Variants in CTNNA3 observed in about 807,000 individuals in gnomAD.
The protein encoded by CTNNA3 is catenin alpha 3.
Under a neutral mutation model 95.7 loss-of-function variants are expected in CTNNA3, and 76 were observed. The observed-to-expected ratio is 0.79, with a 90% CI of 0.66 to 0.96. CTNNA3 has a LOEUF of 0.96. CTNNA3 is among the 40% of genes least tolerant of loss of function. The pLI is 0.00. For synonymous variants in CTNNA3, 431 were observed against 374.4 expected, an observed-to-expected ratio of 1.15 and a Z score of -1.74; for missense variants, 1,191 against 1,089.8, an observed-to-expected ratio of 1.09 and a Z score of -1.31.
intron 7 of CTNNA3, among the ~76,000 whole-genome samples, chr10:66,865,241 T>C (rs1318693346): frequency 6.8e-6 from 1 of 148,052 alleles, no homozygotes; most frequent in African/African-American, 2.5e-5. Flanking sequence ...TGTGTGTGTG[T>C]AAATGCAGTT....
chr10:67,034,133 G>C (rs1853900003), intron 7 of CTNNA3, among the ~76,000 whole-genome samples: 1 of 152,126 alleles, frequency 6.6e-6, no homozygotes, highest in African/African-American at 2.4e-5. Flanking sequence ...CCAAACCAGT[G>C]CTTTTAATTA....
At chr10:66,226,721 C>T (rs755320813) in intron 13 of CTNNA3, among the ~76,000 whole-genome samples, 3 of 151,886 alleles carry the variant, frequency 2.0e-5, no homozygotes, top group Admixed American at 2.0e-4. Flanking sequence ...TGTGTCCACT[C>T]TAATGTATTT....
intron 1 of CTNNA3, among the ~76,000 whole-genome samples, chr10:67,712,813 C>T (rs762071115): frequency 6.6e-6 from 1 of 152,118 alleles, no homozygotes; most frequent in Non-Finnish European, 1.5e-5. Flanking sequence ...AAATGTAAAG[C>T]CTAAAACCAT....
At chr10:67,009,991 C>T (rs1366344255) in intron 7 of CTNNA3, among the ~76,000 whole-genome samples, 1 of 152,146 alleles carries the variant, frequency 6.6e-6, no homozygotes, top group African/African-American at 2.4e-5. Context: ...TCTTCAGCTA[C>T]CTGTCCTGGA....
chr10:65,950,165 C>G (rs2077585444), intron 17 of CTNNA3, among the ~76,000 whole-genome samples: 1 of 152,204 alleles, frequency 6.6e-6, no homozygotes, highest in African/African-American at 2.4e-5. Flanking sequence ...GGAACACACA[C>G]ACACACACAC....
rs746378840 is a variant in CTNNA3, at chr10:67,615,657, C to CTT, written c.100-8610_100-8609dup. On this transcript the variant is annotated intron_variant, in intron 2 of 17. Coordinates refer to ENST00000433211, the MANE Select transcript of CTNNA3 (RefSeq NM_013266.4). ...AATGTGTAACACAACGGCAGGTATT[C>CTT]TTTTTTTTTTTTTTTTTTTTTTTGA... Among the ~76,000 whole-genome samples, 3,513 of 102,020 alleles carry CTT rather than the reference C, an allele frequency of 0.034. 390 individuals are homozygous for CTT. In the East Asian group the frequency reaches 0.4, roughly 12 times the overall value. 66.9% of individuals were successfully genotyped at this position (102,020 alleles called of 152,430 possible).
intron 5 of CTNNA3, among the ~76,000 whole-genome samples, chr10:67,483,769 TAAAAATTAAAA>T (rs1281678410): frequency 1.1e-5 from 1 of 91,440 alleles, no homozygotes; most frequent in African/African-American, 6.2e-5. Context: ...AATAAAAAAA[TAAAAATTAAAA>T]AAAAAAACAA....
intron 11 of CTNNA3, among the ~76,000 whole-genome samples, chr10:66,433,877 C>G (rs1464030592): frequency 6.6e-6 from 1 of 152,156 alleles, no homozygotes; most frequent in Admixed American, 6.5e-5. Context: ...CCAGTTTTCC[C>G]AACAGCTTTT....
At chr10:67,411,542 A>G (rs1350856370) in intron 5 of CTNNA3, among the ~76,000 whole-genome samples, 2 of 152,118 alleles carry the variant, frequency 1.3e-5, no homozygotes, top group Non-Finnish European at 2.9e-5. Context: ...CACAACTGAG[A>G]AGAATATTCA....
intron 7 of CTNNA3, among the ~76,000 whole-genome samples, chr10:66,940,009 T>A (rs902258170): frequency 2.6e-4 from 40 of 152,276 alleles, no homozygotes; most frequent in Admixed American, 4.6e-4. Flanking sequence ...ATTTTTTTTT[T>A]AATTCTTCTT....
chr10:66,225,872 T>G (rs2089258314), intron 13 of CTNNA3, among the ~76,000 whole-genome samples: 1 of 152,092 alleles, frequency 6.6e-6, no homozygotes, highest in Non-Finnish European at 1.5e-5. Flanking sequence ...GTATGTCTTA[T>G]TTTGAGAAAT....
chr10:65,928,956 A>G (rs561204122), intron 17 of CTNNA3, among the ~76,000 whole-genome samples: 3 of 152,172 alleles, frequency 2.0e-5, no homozygotes, highest in East Asian at 3.9e-4. Flanking sequence ...TACATGTGCT[A>G]TGTTGGTGTG....
chr10:67,434,750 T>C (rs758014824), intron 5 of CTNNA3, among the ~76,000 whole-genome samples: 2 of 152,012 alleles, frequency 1.3e-5, no homozygotes, highest in African/African-American at 4.8e-5. Context: ...AAAAAGCACC[T>C]GATTCGCTTC....
chr10:67,615,844 G>A (rs1240280275), intron 2 of CTNNA3, among the ~76,000 whole-genome samples: 2 of 151,896 alleles, frequency 1.3e-5, no homozygotes, highest in Non-Finnish European at 2.9e-5. Context: ...TGTGTTTTTA[G>A]TAGAGATGGG....
chr10:66,847,259 G>T (rs1460341293), intron 7 of CTNNA3, among the ~76,000 whole-genome samples: 2 of 152,066 alleles, frequency 1.3e-5, no homozygotes, highest in East Asian at 3.9e-4. Flanking sequence ...TTCTTGTCAT[G>T]GTGTGAACTT....
In CTNNA3 at chr10:66,081,246, A is replaced by T. The variant is rs2080748372; in HGVS notation, c.1978-11757T>A. Among the ~76,000 whole-genome samples the T allele has an allele frequency of 2.6e-5, 4 of 152,266 alleles. 1 individual carries two copies. The highest frequency in any genetic ancestry group is 6.8e-3 in the Middle Eastern group (2 of 294). On this transcript the variant is annotated intron_variant, in intron 14 of 17. Transcript: ENST00000433211. ...TAGAATTCAGCTAGAAGAGTTGACA[A>T]ATTAGTTGAGTATGAATCATCCTAT... is the stretch of plus-strand genomic sequence containing the variant.
chr10:67,370,596 A>G (rs1843389330), intron 5 of CTNNA3, among the ~76,000 whole-genome samples: 1 of 152,152 alleles, frequency 6.6e-6, no homozygotes, highest in Admixed American at 6.6e-5. Flanking sequence ...AGGAATGCAT[A>G]TTGTTAATTT....
intron 13 of CTNNA3, among the ~76,000 whole-genome samples, chr10:66,129,372 T>C (rs2082979968): frequency 6.6e-6 from 1 of 152,190 alleles, no homozygotes; most frequent in Admixed American, 6.5e-5. Context: ...TCAACCACCA[T>C]GGCATTGGAG....
intron 5 of CTNNA3, among the ~76,000 whole-genome samples, chr10:67,513,870 AAGG>A (rs1359753894): frequency 2.0e-5 from 3 of 152,236 alleles, no homozygotes; most frequent in African/African-American, 7.2e-5. Context: ...ACCAGATACC[AAGG>A]ATCAATAGAG....
Sources: allele counts gnomAD v4.1 joint callset (sites outside exome capture counted in the v4.1 genomes callset), GRCh38; gene constraint gnomAD v4.1.1; transcripts MANE v1.5; gene names NCBI Gene and HGNC (gene_info 2026-07-23, HGNC 2026-07-21).